VAPA: variants seen among roughly 807,000 people sequenced by gnomAD.
VAPA encodes the protein VAMP associated protein A.
A neutral mutation model predicts 25.6 loss-of-function variants in VAPA; 6 were observed. The ratio of observed to expected loss-of-function variants is 0.23; its 90% CI spans 0.13 to 0.46. The LOEUF (loss-of-function observed/expected upper bound fraction) is 0.46. VAPA is among the 20% of genes least tolerant of loss of function. The pLI, the probability that VAPA is intolerant of heterozygous loss-of-function variation, is 0.99. For missense variants in VAPA, 244 were observed against 302.1 expected (o/e 0.81, Z 1.43); for synonymous variants, 112 against 106.2 (o/e 1.05, Z -0.34).
At chr18:9,934,720 G>A (rs941840785) in intron 2 of VAPA, among the ~76,000 whole-genome samples, 2 of 152,076 alleles carry the variant, frequency 1.3e-5, no homozygotes, top group African/African-American at 2.4e-5. Flanking sequence ...TTGATTCTTT[G>A]TATAGTCTGT....
At chr18:9,949,890 TA>T (rs1260299945) in intron 4 of VAPA, 3 of 153,790 alleles carry the variant, frequency 2.0e-5, no homozygotes, top group African/African-American at 4.8e-5. Flanking sequence ...GATGACAAAT[TA>T]ATAGAAGTTA....
At chr18:9,944,714 AATTTT>A in intron 4 of VAPA, among the ~76,000 whole-genome samples, 1 of 152,264 alleles carries the variant, frequency 6.6e-6, no homozygotes, top group African/African-American at 2.4e-5. Context: ...GATTATAACT[AATTTT>A]GTTTGGGAAA....
Position 9,938,304 on chromosome 18 carries a change from A to G in VAPA, c.417+1238A>G, listed in dbSNP as rs76461224. 1.1e-3 allele frequency among the ~76,000 whole-genome samples: 164 copies of G among 152,354 alleles called. 2 individuals are homozygous for G. Among genetic ancestry groups the G allele is most frequent in the Middle Eastern group, 6.8e-3 (2 of 294 alleles). ...GGGCTTCTACTGTGCTCTGGATAGC[A>G]CACACTTTGAGATGTGTGAAAAGGA... On this transcript the variant is annotated intron_variant, in intron 4 of 5. Coordinates refer to ENST00000400000, the MANE Select transcript of VAPA (RefSeq NM_194434.3).
intron 1 of VAPA, among the ~76,000 whole-genome samples, chr18:9,917,114 A>G (rs2069118169): frequency 6.6e-6 from 1 of 151,498 alleles, no homozygotes. Flanking sequence ...TTGTGTTAGT[A>G]AAGAAAAAGA....
intron 1 of VAPA, among the ~76,000 whole-genome samples, chr18:9,929,061 G>A (rs935527273): frequency 5.9e-5 from 9 of 152,146 alleles, no homozygotes; most frequent in African/African-American, 2.2e-4. Context: ...GGTGATTCAG[G>A]TATGATGAGT....
rs372834086 is a variant in VAPA at position 9,946,111 on chromosome 18, G to A, written c.418-4284G>A. Among the ~76,000 whole-genome samples the A allele has an allele frequency of 9.2e-5, 14 of 151,954 alleles. 1 individual carries two copies. The East Asian group carries it at 1.3e-3, about 15-fold the overall frequency. ...TCCCTCTTTTTCTAATTAACCCCCA[G>A]TAAAAATACTTGGGATATTAGAACT... On this transcript the variant is annotated intron_variant, in intron 4 of 5. Transcript: ENST00000400000.
chr18:9,930,632 TA>T (rs1461781334), intron 1 of VAPA, among the ~76,000 whole-genome samples: 1 of 152,072 alleles, frequency 6.6e-6, no homozygotes, highest in East Asian at 1.9e-4. Context: ...ATGGAATGAT[TA>T]GTTTGACCAT....
rs2069580659 is a variant in VAPA at position 9,959,136 on chromosome 18, C to T, written c.*4925C>T. ...GCTCAAGTCTACACAGCTGAAGTAG[C>T]AGAGAAAGTGGGATCTAGATGGTCT... On this transcript the variant is annotated 3_prime_UTR_variant, in exon 6 of 6. Coordinates refer to ENST00000400000, the MANE Select transcript of VAPA (RefSeq NM_194434.3). 6.6e-6 allele frequency: 1 copy of T among 152,138 alleles called. No homozygotes were observed. The highest frequency in any genetic ancestry group is 1.5e-5 in the Non-Finnish European group (1 of 68,026). 9.4% of individuals were successfully genotyped at this position (152,138 alleles called of 1,614,324 possible).
In VAPA at chr18:9,914,178, G is replaced by C; in HGVS notation, c.-79G>C. The C allele has an allele frequency of 7.5e-7, 1 of 1,327,418 alleles. No homozygotes were observed. The highest frequency in any genetic ancestry group is 1.0e-6 in the Non-Finnish European group (1 of 969,010). 82.2% of individuals were successfully genotyped at this position (1,327,418 alleles called of 1,614,324 possible). A position where few individuals can be genotyped will look rare whatever the true frequency, so the allele number is the denominator to read the frequency against. On this transcript the variant is annotated 5_prime_UTR_variant, in exon 1 of 6. Transcript: ENST00000400000. ...TGGCCTCGTCCTAGAGCTCGGCCGA[G>C]CCGTCGCCGCCGTCGTCCCCCGCCC...
intron 4 of VAPA, among the ~76,000 whole-genome samples, chr18:9,946,099 A>G (rs16955878): frequency 2.0e-5 from 3 of 152,138 alleles, no homozygotes; most frequent in South Asian, 2.1e-4. Context: ...CTCTTTTTCT[A>G]ATTAACCCCC....
At chr18:9,925,003 T>C (rs1024398532) in intron 1 of VAPA, 1 of 152,178 alleles carries the variant, frequency 6.6e-6, no homozygotes, top group Middle Eastern at 3.4e-3. Flanking sequence ...TAGGTACGTG[T>C]TTATGTAAAG....
intron 4 of VAPA, 107 bp downstream of exon 4, chr18:9,937,173 C>T (rs2069319605): frequency 1.1e-5 from 7 of 650,770 alleles, no homozygotes; most frequent in Non-Finnish European, 2.5e-6. Context: ...ATGGCTATTA[C>T]ACTTCATAAG....
intron 1 of VAPA, chr18:9,915,940 T>C (rs916067818): frequency 1.1e-4 from 16 of 152,224 alleles, no homozygotes; most frequent in African/African-American, 3.1e-4. Context: ...GAGTCCTGAC[T>C]CAGCCATTAT....
rs777362245 is a variant in VAPA, at chr18:9,914,209, C to G, written c.-48C>G. 3.3e-6 allele frequency: 5 copies of G among 1,530,798 alleles called. No individual in the cohort carries two copies. The African/African-American group carries it at 7.2e-5, about 22-fold the overall frequency. The allele number at this position is 1,530,798 out of a possible 1,614,324, so 94.8% of individuals were successfully genotyped here. ...GCCGCCGTCGTCCCCCGCCCCCAGT[C>G]AGCAAACCGCCGCCGCGGGCGCGCC... On this transcript the variant is annotated 5_prime_UTR_variant, in exon 1 of 6. Transcript: ENST00000400000.
intron 4 of VAPA, among the ~76,000 whole-genome samples, chr18:9,947,130 C>T (rs1358986536): frequency 2.0e-5 from 3 of 152,124 alleles, no homozygotes; most frequent in East Asian, 1.9e-4. Flanking sequence ...TCTGGAATAC[C>T]TCCTGAAGGA....
intron 5 of VAPA, among the ~76,000 whole-genome samples, chr18:9,952,621 C>A: frequency 6.6e-6 from 1 of 151,804 alleles, no homozygotes. Context: ...AATTTCAGAC[C>A]CTATACACAG....
intron 2 of VAPA, among the ~76,000 whole-genome samples, chr18:9,934,883 A>G (rs1228703606): frequency 2.0e-5 from 3 of 151,822 alleles, no homozygotes; most frequent in Non-Finnish European, 2.9e-5. Flanking sequence ...TCTTGAGGTC[A>G]GGAGATCGAG....
intron 1 of VAPA, among the ~76,000 whole-genome samples, chr18:9,919,450 C>G (rs955584358): frequency 1.3e-5 from 2 of 152,072 alleles, no homozygotes; most frequent in Non-Finnish European, 2.9e-5. Context: ...TGGGGCAGTT[C>G]TAACAAGAGA....
In VAPA at chr18:9,936,229, G is replaced by C; in HGVS notation, c.336+16G>C. The C allele has an allele frequency of 6.5e-7, 1 of 1,545,198 alleles. No individual in the cohort carries two copies. Among genetic ancestry groups the C allele is most frequent in the Non-Finnish European group, 8.8e-7 (1 of 1,139,462 alleles). On this transcript the variant is annotated intron_variant, in intron 3 of 5. Coordinates refer to ENST00000400000, the MANE Select transcript of VAPA (RefSeq NM_194434.3). ...GGAAGCTGTGGTAAGTATAGAAGAA[G>C]AATTTGTTTTGGGAAGTGGAGTTTA...
Sources: allele counts gnomAD v4.1 joint callset (sites outside exome capture counted in the v4.1 genomes callset), GRCh38; gene constraint gnomAD v4.1.1; transcripts MANE v1.5; gene names NCBI Gene and HGNC (gene_info 2026-07-23, HGNC 2026-07-21).